Variants in GNG2 observed in about 807,000 individuals in gnomAD.
The protein encoded by GNG2 is guanine nucleotide-binding protein G(I)/G(S)/G(O) subunit gamma-2.
Under a neutral mutation model 5.5 loss-of-function variants are expected in GNG2, and 5 were observed. That is an observed-to-expected ratio of 0.91 (90% CI 0.48 to 1.92). The LOEUF is 1.92. Among genes scored for constraint, GNG2 ranks in the 30% most tolerant of loss-of-function variants. The pLI, the probability that GNG2 is intolerant of heterozygous loss-of-function variation, is 0.01. For synonymous variants in GNG2, 28 were observed against 32.0 expected (o/e 0.88, Z 0.42); for missense variants, 55 against 88.4 (o/e 0.62, Z 1.52).
intron 2 of GNG2, among the ~76,000 whole-genome samples, chr14:51,928,969 G>A (rs972994115): frequency 3.9e-5 from 6 of 152,270 alleles, no homozygotes; most frequent in East Asian, 3.9e-4. Context: ...TGTTCTCACC[G>A]AACTATAACT....
intron 1 of GNG2, among the ~76,000 whole-genome samples, chr14:51,826,657 AG>A (rs1490370312): frequency 6.6e-6 from 1 of 152,248 alleles, no homozygotes; most frequent in Non-Finnish European, 1.5e-5. Flanking sequence ...ATAAGAGGGA[AG>A]CAAGGGTGTG....
At chr14:51,887,510 T>G (rs12588848) in intron 2 of GNG2, among the ~76,000 whole-genome samples, 52,704 of 152,092 alleles carry the variant, frequency 0.35, 9,833 homozygotes, top group Non-Finnish European at 0.42. Context: ...GGGAGGTATT[T>G]GTGGCAGCAC....
chr14:51,949,475 T>C (rs1241290318), intron 2 of GNG2, among the ~76,000 whole-genome samples: 1 of 152,254 alleles, frequency 6.6e-6, no homozygotes, highest in Non-Finnish European at 1.5e-5. Context: ...TTAAGATAAG[T>C]AACCTGATCT....
At chr14:51,963,767 T>C (rs1889746012) in intron 3 of GNG2, among the ~76,000 whole-genome samples, 1 of 152,198 alleles carries the variant, frequency 6.6e-6, no homozygotes, top group Middle Eastern at 3.2e-3. Flanking sequence ...TGAGCCTCAA[T>C]TTTTCATCTA....
At chr14:51,951,037 G>C (rs746169163) in intron 3 of GNG2, among the ~76,000 whole-genome samples, 1 of 151,824 alleles carries the variant, frequency 6.6e-6, no homozygotes, top group African/African-American at 2.4e-5. Context: ...AGAGAAATTA[G>C]AGAACACATA....
intron 2 of GNG2, among the ~76,000 whole-genome samples, chr14:51,931,985 G>A (rs572820077): frequency 1.9e-4 from 29 of 152,108 alleles, no homozygotes; most frequent in African/African-American, 5.8e-4. Context: ...GGTGGCTCAC[G>A]CCTGTAATCC....
At chr14:51,881,647 G>A (rs1219063534) in intron 2 of GNG2, among the ~76,000 whole-genome samples, 1 of 144,748 alleles carries the variant, frequency 6.9e-6, no homozygotes, top group South Asian at 2.3e-4. Flanking sequence ...GTACTTGAAA[G>A]AACAATAAAT....
At chr14:51,856,337 G>A (rs1594841029), upstream of GNG2, among the ~76,000 whole-genome samples, 1 of 152,080 alleles carries the variant, frequency 6.6e-6, no homozygotes, top group African/African-American at 2.4e-5. Context: ...AGTGCAGAAG[G>A]GGATGTGAGA....
At chr14:51,869,770 C>T (rs976797768) in intron 1 of GNG2, among the ~76,000 whole-genome samples, 1 of 152,188 alleles carries the variant, frequency 6.6e-6, no homozygotes, top group Non-Finnish European at 1.5e-5. Context: ...ACCTCGGCCT[C>T]CCAAAGTGCT....
chr14:51,950,345 A>C (rs982933949), intron 2 of GNG2, among the ~76,000 whole-genome samples: 8 of 152,242 alleles, frequency 5.3e-5, no homozygotes, highest in African/African-American at 1.9e-4. Flanking sequence ...TAATACGCTG[A>C]GGTGGTCACA....
intron 2 of GNG2, among the ~76,000 whole-genome samples, chr14:51,902,159 TTAAA>T (rs1460068383): frequency 6.6e-6 from 1 of 152,156 alleles, no homozygotes; most frequent in East Asian, 1.9e-4. Context: ...TTTCTAATTA[TTAAA>T]TATTTTTATT....
chr14:51,872,870 A>G (rs1004296126), intron 1 of GNG2, among the ~76,000 whole-genome samples: 3 of 152,220 alleles, frequency 2.0e-5, no homozygotes, highest in Admixed American at 6.5e-5. Context: ...TCTTGGTATT[A>G]AGACTGACAT....
intron 2 of GNG2, among the ~76,000 whole-genome samples, chr14:51,887,109 G>A (rs1390658632): frequency 6.6e-6 from 1 of 152,196 alleles, no homozygotes; most frequent in Non-Finnish European, 1.5e-5. Context: ...ACAGAGTTCA[G>A]TTGTTTGTGT....
rs1382353888 is a variant in GNG2 at position 51,925,480 on chromosome 14, A to C, written c.-29-25170A>C. On this transcript the variant is annotated intron_variant, in intron 2 of 3. Transcript: ENST00000556766. ...TCCCAACCCATGGTATAGCCATTGT[A>C]GGTAAAGATAATTAAAATGTGCACA... Among the ~76,000 whole-genome samples, 3 of 152,204 alleles carry C rather than the reference A, an allele frequency of 2.0e-5. No individual in the cohort carries two copies. In the East Asian group the frequency reaches 5.8e-4, roughly 29 times the overall value.
At chr14:51,855,604 T>G (rs1177567390), upstream of GNG2, among the ~76,000 whole-genome samples, 1 of 152,258 alleles carries the variant, frequency 6.6e-6, no homozygotes, top group Non-Finnish European at 1.5e-5. Context: ...TATTTATTCT[T>G]GATTACTATT....
chr14:51,877,605 C>T lies in GNG2; in HGVS notation c.-70-12C>T. 1 of 455,770 alleles carries T rather than the reference C, an allele frequency of 2.2e-6. No individual in the cohort carries two copies. Among genetic ancestry groups the T allele is most frequent in the Non-Finnish European group, 4.4e-6 (1 of 226,500 alleles). The allele number at this position is 455,770 out of a possible 1,614,324, so 28.2% of individuals were successfully genotyped here. Reference sequence around the variant, plus strand: ...TTTAAAAAATTCGTTTTTCTCTCTGCTTTCTCAACAGCCAGATCTGCCAGT... The same window carrying T: ...TTTAAAAAATTCGTTTTTCTCTCTGTTTTCTCAACAGCCAGATCTGCCAGT... On this transcript the variant is annotated splice_polypyrimidine_tract_variant and intron_variant, in intron 1 of 3. Transcript: ENST00000556766.
At position 51,882,952 on chromosome 14, in the gene GNG2, G is replaced by T. The variant is rs192683069; in HGVS notation, c.-30+5295G>T. 7.3e-3 allele frequency among the ~76,000 whole-genome samples: 1,100 copies of T among 150,476 alleles called. 7 individuals are homozygous for T. Among genetic ancestry groups the T allele is most frequent in the African/African-American group, 0.018 (741 of 40,878 alleles). On this transcript the variant is annotated intron_variant, in intron 2 of 3. Coordinates refer to ENST00000556766, the MANE Select transcript of GNG2 (RefSeq NM_053064.5). ...TTGAACCCAGGAGGCGGAGCTTGCA[G>T]TGAGCAGAGATCGTGCCACTGCACT...
chr14:51,942,595 T>TCTTTC (rs1413000965), intron 2 of GNG2, among the ~76,000 whole-genome samples: 22 of 125,376 alleles, frequency 1.8e-4, no homozygotes, highest in South Asian at 2.6e-4. Context: ...CTTTCTTTTT[T>TCTTTC]TTTTTTTTTT....
intron 2 of GNG2, among the ~76,000 whole-genome samples, chr14:51,884,711 T>A (rs1000068383): frequency 6.6e-6 from 1 of 152,126 alleles, no homozygotes; most frequent in Non-Finnish European, 1.5e-5. Context: ...TAGAAACAAG[T>A]TAAGGTGGCT....
Sources: allele counts gnomAD v4.1 joint callset (sites outside exome capture counted in the v4.1 genomes callset), GRCh38; gene constraint gnomAD v4.1.1; transcripts MANE v1.5; gene names NCBI Gene and HGNC (gene_info 2026-07-23, HGNC 2026-07-21).